Variants in OSBPL1A observed in about 807,000 individuals in gnomAD.
OSBPL1A encodes the protein oxysterol binding protein like 1A, also known as oxysterol-binding protein-related protein 1.
In OSBPL1A, 80 loss-of-function variants were observed where a neutral mutation model predicts 137.1. That is an observed-to-expected ratio of 0.58 (90% confidence interval 0.49 to 0.70). The LOEUF (loss-of-function observed/expected upper bound fraction) is 0.70, where lower values mean the gene tolerates loss of function less well. OSBPL1A is among the 30% of genes least tolerant of loss of function. The pLI, the probability that OSBPL1A is intolerant of heterozygous loss-of-function variation, is 0.00. For missense variants in OSBPL1A, 970 were observed against 1,129.4 expected (o/e 0.86, Z 2.02); for synonymous variants, 365 against 389.7 (o/e 0.94, Z 0.75).
intron 2 of OSBPL1A, among the ~76,000 whole-genome samples, chr18:24,369,040 C>T (rs1275287802): frequency 1.3e-5 from 2 of 152,114 alleles, no homozygotes; most frequent in African/African-American, 4.8e-5. Context: ...CCTGGTAAGC[C>T]TGAGTAACTG....
At chr18:24,224,692 A>T (rs1366635208) in intron 17 of OSBPL1A, among the ~76,000 whole-genome samples, 1 of 152,232 alleles carries the variant, frequency 6.6e-6, no homozygotes, top group Non-Finnish European at 1.5e-5. Context: ...GCCAGAAACT[A>T]AAATAGCAAT....
At chr18:24,201,829 G>C (rs17203108) in intron 17 of OSBPL1A, among the ~76,000 whole-genome samples, 22,687 of 151,992 alleles carry the variant, frequency 0.15, 1,812 homozygotes, top group Middle Eastern at 0.26. Context: ...TAACTGCACA[G>C]ATCTCCTTTA....
chr18:24,262,274 G>A (rs544539188), intron 15 of OSBPL1A, among the ~76,000 whole-genome samples: 80 of 152,274 alleles, frequency 5.3e-4, no homozygotes, highest in African/African-American at 1.9e-3. Flanking sequence ...AGCCCAATCT[G>A]AGAATTTAAG....
intron 19 of OSBPL1A, 60 bp from the exon 20 acceptor site, chr18:24,179,895 G>A: frequency 7.1e-7 from 1 of 1,399,342 alleles, no homozygotes; most frequent in Non-Finnish European, 1.0e-6. Flanking sequence ...CATTCTTTTA[G>A]GAACTGAAAT....
At chr18:24,239,137 G>A in intron 16 of OSBPL1A, 83 bp downstream of exon 16, 3 of 1,511,494 alleles carry the variant, frequency 2.0e-6, no homozygotes, top group Admixed American at 4.0e-5. Flanking sequence ...CTGCTCTAAG[G>A]TGGTGGACTC....
chr18:24,318,934 A>T, intron 7 of OSBPL1A, 125 bp from the exon 8 acceptor site: 1 of 811,910 alleles, frequency 1.2e-6, no homozygotes, highest in Non-Finnish European at 2.0e-6. Flanking sequence ...TTTCCCCAGA[A>T]AATTACCTAC....
At chr18:24,255,736 T>G (rs1026219702) in intron 15 of OSBPL1A, among the ~76,000 whole-genome samples, 1 of 152,022 alleles carries the variant, frequency 6.6e-6, no homozygotes, top group African/African-American at 2.4e-5. Flanking sequence ...ATCCTCAAAT[T>G]TGTCAAAATA....
intron 24 of OSBPL1A, 128 bp downstream of exon 24, chr18:24,170,199 A>G (rs2086241274): frequency 9.3e-7 from 1 of 1,079,826 alleles, no homozygotes; most frequent in Non-Finnish European, 1.3e-6. Context: ...AAAAGAGAAA[A>G]GTGACATGCA....
intron 7 of OSBPL1A, among the ~76,000 whole-genome samples, chr18:24,332,701 G>C (rs574594204): frequency 1.8e-4 from 27 of 152,218 alleles, no homozygotes; most frequent in African/African-American, 6.0e-4. Context: ...AGTGCTGGTG[G>C]CAACTTTATA....
At chr18:24,222,367 G>A (rs551805577) in intron 17 of OSBPL1A, among the ~76,000 whole-genome samples, 2 of 152,218 alleles carry the variant, frequency 1.3e-5, no homozygotes, top group East Asian at 3.9e-4. Context: ...CATCTACCCT[G>A]TATTTGGCGG....
chr18:24,237,103 T>G (rs574814817), intron 16 of OSBPL1A, among the ~76,000 whole-genome samples: 2 of 151,946 alleles, frequency 1.3e-5, no homozygotes, highest in African/African-American at 4.8e-5. Context: ...AAAATCTATA[T>G]ATATACACAA....
chr18:24,281,790 A>G (rs538719088), intron 14 of OSBPL1A, among the ~76,000 whole-genome samples: 9 of 152,330 alleles, frequency 5.9e-5, no homozygotes, highest in East Asian at 5.8e-4. Flanking sequence ...AGAAAGGTCT[A>G]TACCCTACAA....
At position 24,314,347 on chromosome 18, in the gene OSBPL1A, C is replaced by T; in HGVS notation, c.871G>A (p.Val291Ile). ...AAGAGGCAGCTATCAGTGGATTTTA[C>T]CTTGGATATAAAGAAGTCAGTAAGA... ...CKHLTQAVCT[V>I]KSTDSCLFFI... Residue 291 changes from valine to isoleucine, a missense_variant and splice_region_variant, in exon 12 of 28, where the codon GTA becomes ATA. Transcript: ENST00000319481. 1 of 1,595,518 alleles carries T rather than the reference C, an allele frequency of 6.3e-7. No individual in the cohort carries two copies. Among genetic ancestry groups the T allele is most frequent in the Non-Finnish European group, 8.5e-7 (1 of 1,171,014 alleles).
At chr18:24,225,460 T>C (rs929681790) in intron 16 of OSBPL1A, among the ~76,000 whole-genome samples, 1 of 152,168 alleles carries the variant, frequency 6.6e-6, no homozygotes, top group African/African-American at 2.4e-5. Flanking sequence ...TCTCCAAAGA[T>C]TACTCAGTTC....
chr18:24,222,510 T>C (rs1311370889), intron 17 of OSBPL1A, among the ~76,000 whole-genome samples: 1 of 152,166 alleles, frequency 6.6e-6, no homozygotes, highest in African/African-American at 2.4e-5. Context: ...TCCCACGGAA[T>C]GTGGCCAAGA....
chr18:24,380,966 A>C (rs1306325469), intron 1 of OSBPL1A, among the ~76,000 whole-genome samples: 1 of 146,206 alleles, frequency 6.8e-6, no homozygotes, highest in Non-Finnish European at 1.5e-5. Flanking sequence ...AAAAAAAAAA[A>C]AAGAAAAGAA....
At chr18:24,348,401 G>A (rs890822739) in intron 4 of OSBPL1A, among the ~76,000 whole-genome samples, 1 of 152,016 alleles carries the variant, frequency 6.6e-6, no homozygotes, top group Non-Finnish European at 1.5e-5. Context: ...ATACGAGGAA[G>A]GTATTATTAT....
At chr18:24,385,880 T>G (rs1020964252) in intron 1 of OSBPL1A, among the ~76,000 whole-genome samples, 1 of 152,070 alleles carries the variant, frequency 6.6e-6, no homozygotes, top group Non-Finnish European at 1.5e-5. Flanking sequence ...GTTTAAAGAT[T>G]GTAAGGCAAG....
intron 21 of OSBPL1A, among the ~76,000 whole-genome samples, chr18:24,175,648 C>T (rs1328406656): frequency 2.0e-5 from 3 of 152,168 alleles, no homozygotes; most frequent in Non-Finnish European, 4.4e-5. Flanking sequence ...TTAATAACAT[C>T]TAATTTATCA....
Sources: allele counts gnomAD v4.1 joint callset (sites outside exome capture counted in the v4.1 genomes callset), GRCh38; gene constraint gnomAD v4.1.1; transcripts MANE v1.5; gene names NCBI Gene and HGNC (gene_info 2026-07-23, HGNC 2026-07-21).